Variants in RHBDL2 observed in about 807,000 individuals in gnomAD.
RHBDL2 encodes rhomboid-related protein 2.
Under a neutral mutation model 31.7 loss-of-function variants are expected in RHBDL2, and 26 were observed. The observed-to-expected ratio is 0.82, with a 90% CI of 0.60 to 1.14. The LOEUF is 1.14. Among genes scored for constraint, RHBDL2 ranks in the 50% most tolerant of loss-of-function variants. RHBDL2 has a pLI of 0.00. For synonymous variants in RHBDL2, 123 were observed against 127.2 expected (o/e 0.97, Z 0.22); for missense variants, 336 against 364.4 (o/e 0.92, Z 0.63).
intron 1 of RHBDL2, among the ~76,000 whole-genome samples, chr1:38,934,221 G>A (rs1486492882): frequency 6.6e-6 from 1 of 151,878 alleles, no homozygotes; most frequent in African/African-American, 2.4e-5. Flanking sequence ...TATGGCGGGT[G>A]CCTGTAATCC....
At chr1:38,934,683 C>G (rs892117513) in intron 1 of RHBDL2, among the ~76,000 whole-genome samples, 1 of 140,106 alleles carries the variant, frequency 7.1e-6, no homozygotes, top group African/African-American at 2.7e-5. Flanking sequence ...AATGGCTGGG[C>G]GCGGTGGCTC....
chr1:38,932,011 G>T (rs1643444537), intron 1 of RHBDL2, among the ~76,000 whole-genome samples: 1 of 152,176 alleles, frequency 6.6e-6, no homozygotes, highest in Non-Finnish European at 1.5e-5. Context: ...AGCTATGCTG[G>T]ATACTTTGCA....
intron 3 of RHBDL2, among the ~76,000 whole-genome samples, chr1:38,911,641 TGTGTGCGCGC>T (rs1375992173): frequency 8.5e-5 from 4 of 47,060 alleles, no homozygotes; most frequent in African/African-American, 2.0e-4. Flanking sequence ...TGTGTGTGTG[TGTGTGCGCGC>T]GCGCGCGCGT....
At chr1:38,905,506 T>A (rs1643052105) in intron 4 of RHBDL2, among the ~76,000 whole-genome samples, 1 of 151,784 alleles carries the variant, frequency 6.6e-6, no homozygotes, top group Non-Finnish European at 1.5e-5. Flanking sequence ...TCCCAGCACT[T>A]TGGGAGGCTG....
intron 1 of RHBDL2, among the ~76,000 whole-genome samples, chr1:38,924,504 G>A (rs1287775517): frequency 2.0e-5 from 3 of 151,960 alleles, no homozygotes; most frequent in African/African-American, 7.3e-5. Flanking sequence ...TGAAGCAGGG[G>A]AATAGCATGA....
chr1:38,937,069 T>C (rs1643518648), intron 1 of RHBDL2, among the ~76,000 whole-genome samples: 1 of 151,756 alleles, frequency 6.6e-6, no homozygotes. Flanking sequence ...TGCCTCAGCC[T>C]CCCAAGTAGC....
At chr1:38,906,401 G>A (rs113156403) in intron 4 of RHBDL2, among the ~76,000 whole-genome samples, 7 of 152,068 alleles carry the variant, frequency 4.6e-5, no homozygotes, top group African/African-American at 7.2e-5. Flanking sequence ...CAGGCCGGGC[G>A]CAGTGGCTCA....
At position 38,906,121 on chromosome 1, in the gene RHBDL2, T is replaced by C. The variant is rs547761606; in HGVS notation, c.508+5201A>G. Among the ~76,000 whole-genome samples the C allele has an allele frequency of 1.9e-4, 28 of 150,700 alleles. No individual in the cohort carries two copies. The South Asian group carries it at 5.7e-3, about 30-fold the overall frequency. On this transcript the variant is annotated intron_variant, in intron 4 of 7. Transcript: ENST00000372990. ...ATTACATTTTGTGGCGAAATACTCA[T>C]TGCTTTCTGCCTAAGATTGGAAACA...
chr1:38,934,666 A>AG (rs1474081442), intron 1 of RHBDL2, among the ~76,000 whole-genome samples: 1 of 150,370 alleles, frequency 6.7e-6, no homozygotes, highest in Non-Finnish European at 1.5e-5. Flanking sequence ...CTCAAAAAAA[A>AG]AAAAAAAATG....
chr1:38,892,563 A>G (rs1459534383), intron 6 of RHBDL2, among the ~76,000 whole-genome samples: 2 of 152,174 alleles, frequency 1.3e-5, no homozygotes, highest in Non-Finnish European at 2.9e-5. Flanking sequence ...TGTGAAGTGG[A>G]CAATTTTTCT....
intron 6 of RHBDL2, among the ~76,000 whole-genome samples, chr1:38,888,562 A>G (rs991595852): frequency 2.0e-5 from 3 of 152,190 alleles, no homozygotes; most frequent in Admixed American, 1.3e-4. Flanking sequence ...GCTATTTGAC[A>G]TAAGAGTGTT....
intron 1 of RHBDL2, among the ~76,000 whole-genome samples, chr1:38,924,782 C>CTTTTTTTTTTTTTTTTTTTTTTTTTT (rs111244874): frequency 7.9e-6 from 1 of 125,834 alleles, no homozygotes; most frequent in Non-Finnish European, 1.7e-5. Context: ...TTTCTTTTTT[C>CTTTTTTTTTTTTTTTTTTTTTTTTTT]TTTTTTTTTT....
chr1:38,906,678 A>G (rs1643071672), intron 4 of RHBDL2, among the ~76,000 whole-genome samples: 1 of 152,084 alleles, frequency 6.6e-6, no homozygotes, highest in Admixed American at 6.6e-5. Context: ...CATCTCAAAA[A>G]AAAAAAAGAA....
chr1:38,937,173 C>G (rs1235682719), intron 1 of RHBDL2, among the ~76,000 whole-genome samples: 6 of 149,172 alleles, frequency 4.0e-5, no homozygotes, highest in African/African-American at 1.5e-4. Context: ...GTCTCAATCT[C>G]CTGACCTTGT....
intron 6 of RHBDL2, among the ~76,000 whole-genome samples, chr1:38,889,486 A>T (rs544523468): frequency 1.4e-4 from 22 of 152,334 alleles, no homozygotes; most frequent in African/African-American, 4.6e-4. Context: ...CTGGAAAAAT[A>T]CTATTGTAGC....
chr1:38,927,962 C>T (rs967948003), intron 1 of RHBDL2, among the ~76,000 whole-genome samples: 5 of 152,032 alleles, frequency 3.3e-5, no homozygotes, highest in African/African-American at 1.2e-4. Context: ...CCAAAGCCCC[C>T]ACATGTTCCA....
At chr1:38,939,576 C>A (rs1015185245) in intron 1 of RHBDL2, among the ~76,000 whole-genome samples, 3 of 152,078 alleles carry the variant, frequency 2.0e-5, no homozygotes, top group Non-Finnish European at 4.4e-5. Flanking sequence ...ATTCAGGAGG[C>A]TGAGGTGAGA....
chr1:38,931,891 G>A (rs1294367065), intron 1 of RHBDL2, among the ~76,000 whole-genome samples: 1 of 152,140 alleles, frequency 6.6e-6, no homozygotes, highest in Non-Finnish European at 1.5e-5. Flanking sequence ...TAAAGACGGA[G>A]CATATAATTT....
At chr1:38,939,120 G>A (rs1643537715) in intron 1 of RHBDL2, among the ~76,000 whole-genome samples, 1 of 152,204 alleles carries the variant, frequency 6.6e-6, no homozygotes, top group South Asian at 2.1e-4. Context: ...ATGTAGGAAT[G>A]AGTGAATGAG....
Sources: gnomAD v4.1 joint callset for allele counts (sites outside exome capture counted in the v4.1 genomes callset) on GRCh38, gnomAD v4.1.1 for gene constraint, MANE v1.5 for transcripts, NCBI Gene and HGNC (gene_info 2026-07-23, HGNC 2026-07-21) for gene names.